The following SERAC1 variants were observed in gnomAD, a reference collection of about 807,000 sequenced individuals.
The protein encoded by SERAC1 is serine active site containing 1, also known as protein SERAC1.
SERAC1 carries 36 observed loss-of-function variants against 85.7 expected under a neutral mutation model. The ratio of observed to expected loss-of-function variants is 0.42; its 90% confidence interval spans 0.32 to 0.55. SERAC1 has a LOEUF of 0.55. SERAC1 is among the 20% of genes least tolerant of loss of function. SERAC1 has a pLI of 0.11. For missense variants in SERAC1, 629 were observed against 796.2 expected, an observed-to-expected ratio of 0.79 and a Z score of 2.53; for synonymous variants, 242 against 265.3, an observed-to-expected ratio of 0.91 and a Z score of 0.85.
intron 2 of SERAC1, among the ~76,000 whole-genome samples, chr6:158,155,915 C>T (rs1005789466): frequency 2.0e-5 from 3 of 152,074 alleles, no homozygotes; most frequent in Non-Finnish European, 4.4e-5. Flanking sequence ...GAGGCCAAGG[C>T]GAGTGGATCA....
Position 158,111,283 on chromosome 6 carries a change from G to A in SERAC1, c.*83C>T, listed in dbSNP as rs1252679566. The stretch of plus-strand genomic sequence containing the variant: ...GACGCTATGATCACTATGTTTGCAT[G>A]ATTGCATAGAGCTTAAAAGAAGAAA... On this transcript the variant is annotated 3_prime_UTR_variant, in exon 17 of 17. Transcript: ENST00000647468. 3.2e-6 allele frequency: 4 copies of A among 1,263,128 alleles called. No homozygotes were observed. Among genetic ancestry groups the A allele is most frequent in the Non-Finnish European group, 4.4e-6 (4 of 918,858 alleles). 78.2% of individuals were successfully genotyped at this position (1,263,128 alleles called of 1,614,324 possible). A position where few individuals can be genotyped will look rare whatever the true frequency, so the allele number is the denominator to read the frequency against.
At chr6:158,139,977 T>C (rs992336159) in intron 8 of SERAC1, among the ~76,000 whole-genome samples, 7 of 152,198 alleles carry the variant, frequency 4.6e-5, no homozygotes, top group African/African-American at 1.4e-4. Flanking sequence ...GTAAAGTCTC[T>C]GTGGAAAACA....
intron 15 of SERAC1, chr6:158,114,451 A>T: frequency 9.4e-7 from 1 of 1,067,512 alleles, no homozygotes; most frequent in Non-Finnish European, 1.1e-6. Context: ...TTTACATTTT[A>T]ACAGTTGATG....
At chr6:158,138,614 G>A (rs1411669766) in intron 8 of SERAC1, among the ~76,000 whole-genome samples, 1 of 152,062 alleles carries the variant, frequency 6.6e-6, no homozygotes, top group Non-Finnish European at 1.5e-5. Context: ...ATTTAGTGAT[G>A]GGAGTGGGAG....
At chr6:158,113,177 A>G in intron 16 of SERAC1, 1 of 415,840 alleles carries the variant, frequency 2.4e-6, no homozygotes, top group East Asian at 3.4e-5. Context: ...TCTTTACTGC[A>G]AAAGAGTTCA....
chr6:158,119,254 G>A lies in SERAC1; in HGVS notation c.1167-84C>T, dbSNP rs1412333574. 8.2e-6 allele frequency: 12 copies of A among 1,458,752 alleles called. No individual in the cohort carries two copies. The highest frequency in any genetic ancestry group is 1.0e-5 in the Non-Finnish European group (11 of 1,082,752). The allele number at this position is 1,458,752 out of a possible 1,614,324, so 90.4% of individuals were successfully genotyped here. On this transcript the variant is annotated intron_variant, in intron 11 of 16. Transcript: ENST00000647468. The surrounding 1 kb of genome is among the most constrained non-coding windows in gnomAD (Gnocchi z 4.5). ...AATCTACACAGCATTCTCTGTGGAT[G>A]GTGCTTTAGCAGGCTTATGTGACAT...
Position 158,119,412 on chromosome 6 carries a change from C to T in SERAC1, c.1167-242G>A, listed in dbSNP as rs149958501. Among the ~76,000 whole-genome samples the T allele has an allele frequency of 6.6e-6, 1 of 152,198 alleles. No homozygotes were observed. The highest frequency in any genetic ancestry group is 2.4e-5 in the African/African-American group (1 of 41,462). On this transcript the variant is annotated intron_variant, in intron 11 of 16. Transcript: ENST00000647468. The surrounding 1 kb of genome is among the most constrained non-coding windows in gnomAD (Gnocchi z 4.5). ...GACTATTCTAGTCAGGCAGACCAAC[C>T]ACAATCAATTGTAATGAGCTTAGCA...
At chr6:158,139,790 T>G (rs1008529104) in intron 8 of SERAC1, among the ~76,000 whole-genome samples, 1 of 152,116 alleles carries the variant, frequency 6.6e-6, no homozygotes, top group African/African-American at 2.4e-5. Context: ...AGGATTTGAA[T>G]AGGTATTTCT....
intron 1 of SERAC1, among the ~76,000 whole-genome samples, chr6:158,160,643 G>A (rs1583612938): frequency 6.6e-6 from 1 of 151,882 alleles, no homozygotes; most frequent in Non-Finnish European, 1.5e-5. Flanking sequence ...TACATTTATC[G>A]CATGTTGGAT....
At position 158,119,238 on chromosome 6, in the gene SERAC1, AG is replaced by A. The variant is rs1420958829; in HGVS notation, c.1167-69del. 8 of 1,511,804 alleles carry A rather than the reference AG, an allele frequency of 5.3e-6. No individual in the cohort carries two copies. In the African/African-American group the frequency reaches 1.1e-4, roughly 21 times the overall value. 93.6% of individuals were successfully genotyped at this position (1,511,804 alleles called of 1,614,324 possible). On this transcript the variant is annotated intron_variant, in intron 11 of 16. Coordinates refer to ENST00000647468, the MANE Select transcript of SERAC1 (RefSeq NM_032861.4). The surrounding 1 kb of genome is among the most constrained non-coding windows in gnomAD (Gnocchi z 4.5). ...TTACTGCTTTGGTAAGAATCTACAC[AG>A]CATTCTCTGTGGATGGTGCTTTAGC...
At chr6:158,158,515 AT>A (rs994477230) in intron 1 of SERAC1, 151 bp from the exon 2 acceptor site, 6 of 519,748 alleles carry the variant, frequency 1.2e-5, no homozygotes, top group Non-Finnish European at 2.0e-5. Flanking sequence ...TAAAAAAAAA[AT>A]TCTCCATTAA....
chr6:158,131,312 T>C (rs1193115820), intron 8 of SERAC1, among the ~76,000 whole-genome samples: 1 of 147,426 alleles, frequency 6.8e-6, no homozygotes, highest in Non-Finnish European at 1.5e-5. Flanking sequence ...ATATTATATA[T>C]TTATATATTG....
intron 3 of SERAC1, among the ~76,000 whole-genome samples, chr6:158,154,056 A>G (rs1424743737): frequency 6.7e-6 from 1 of 148,590 alleles, no homozygotes; most frequent in Non-Finnish European, 1.5e-5. Flanking sequence ...GCTATTTGGG[A>G]GGCTGAGGTG....
chr6:158,134,339 G>C (rs1784745499), intron 8 of SERAC1, among the ~76,000 whole-genome samples: 1 of 152,176 alleles, frequency 6.6e-6, no homozygotes, highest in African/African-American at 2.4e-5. Flanking sequence ...AATACCATTA[G>C]CCCTAAAAGG....
intron 14 of SERAC1, 112 bp from the exon 15 acceptor site, chr6:158,115,083 TA>T (rs1046826020): frequency 1.8e-5 from 22 of 1,208,764 alleles, no homozygotes; most frequent in Admixed American, 4.7e-5. Context: ...GCTTTCTTTT[TA>T]AAAAAAATGG....
Position 158,120,482 on chromosome 6 carries a change from G to C in SERAC1, c.1109C>G (p.Thr370Ser), listed in dbSNP as rs143373231. Residue 370 changes from threonine (T) to serine (S), a missense_variant, in exon 11 of 17, where the codon ACT (threonine) becomes AGT (serine). Physicochemically the swap from Thr to Ser is moderately conservative, Grantham distance 58. Transcript: ENST00000647468. This position sits in a 1 kb window ranked among gnomAD's most constrained non-coding sequence, Gnocchi z 4.4. ...GCCATCCTGATATTTTTCTTGCACAGTTTCTCGGTCTAGATTTGCCAGGAT... is the reference window on the plus strand; with the variant it reads ...GCCATCCTGATATTTTTCTTGCACACTTTCTCGGTCTAGATTTGCCAGGAT... ...ARILANLDRE[T>S]VQEKYQDGVY... The C allele has an allele frequency of 1.2e-6, 2 of 1,614,072 alleles. No individual in the cohort carries two copies. Among genetic ancestry groups the C allele is most frequent in the Non-Finnish European group, 1.7e-6 (2 of 1,179,976 alleles).
At chr6:158,124,977 T>C (rs145243750) in intron 10 of SERAC1, among the ~76,000 whole-genome samples, 1 of 152,192 alleles carries the variant, frequency 6.6e-6, no homozygotes, top group East Asian at 1.9e-4. Flanking sequence ...AATCCATATA[T>C]ACAGAAAAAA....
intron 2 of SERAC1, 134 bp downstream of exon 2, chr6:158,158,139 A>G (rs1785400691): frequency 3.4e-6 from 2 of 586,732 alleles, no homozygotes; most frequent in Non-Finnish European, 6.0e-6. Flanking sequence ...GGGGTGAACT[A>G]TTAGTACAGA....
At chr6:158,152,281 C>T (rs1345702966) in intron 3 of SERAC1, among the ~76,000 whole-genome samples, 2 of 152,088 alleles carry the variant, frequency 1.3e-5, no homozygotes, top group Admixed American at 6.6e-5. Context: ...TCTGGGAGGC[C>T]GAGGCGGGCG....
Sources: allele counts gnomAD v4.1 joint callset (sites outside exome capture counted in the v4.1 genomes callset), GRCh38; gene constraint gnomAD v4.1.1; non-coding constraint Gnocchi (gnomAD v3.1); transcripts MANE v1.5; gene names NCBI Gene and HGNC (gene_info 2026-07-23, HGNC 2026-07-21).